The following CTIF variants were observed in gnomAD, a reference collection of about 807,000 sequenced individuals.
The protein encoded by CTIF is cap binding complex dependent translation initiation factor, also known as CBP80/20-dependent translation initiation factor.
Under a neutral mutation model 66.0 loss-of-function variants are expected in CTIF, and 21 were observed. The observed-to-expected ratio is 0.32, with a 90% CI of 0.23 to 0.46. CTIF has a LOEUF of 0.46. Among genes scored for constraint, CTIF ranks in the 20% least tolerant of loss-of-function variants. CTIF has a pLI of 1.00. For missense variants in CTIF, 739 were observed against 812.7 expected (o/e 0.91, Z 1.10); for synonymous variants, 345 against 326.4 (o/e 1.06, Z -0.62).
At chr18:48,615,723 CG>C (rs921024370) in intron 1 of CTIF, among the ~76,000 whole-genome samples, 1 of 152,154 alleles carries the variant, frequency 6.6e-6, no homozygotes, top group African/African-American at 2.4e-5. Flanking sequence ...TGCCAGGGGC[CG>C]GGGGCTTCCT....
intron 9 of CTIF, among the ~76,000 whole-genome samples, chr18:48,774,078 A>G (rs1263766533): frequency 1.3e-5 from 2 of 152,156 alleles, no homozygotes; most frequent in Non-Finnish European, 1.5e-5. Context: ...GGTCAGGAAC[A>G]CACAGAGTGC....
chr18:48,758,167 A>G lies in CTIF; in HGVS notation c.833A>G (p.Glu278Gly). 1 of 1,614,014 alleles carries G rather than the reference A, an allele frequency of 6.2e-7. No individual in the cohort carries two copies. The highest frequency in any genetic ancestry group is 1.1e-5 in the South Asian group (1 of 91,060). ...AATGCCAAAGAGACCATGACCATCG[A>G]GAACCCAAAACTGGAGGACACTGCA... Reference protein sequence around the residue: ...HRNAKETMTIENPKLEDTAGD... With the variant: ...HRNAKETMTIGNPKLEDTAGD... The change falls in exon 8 of 12, where the codon GAG becomes GGG. Residue 278 changes from glutamate (E) to glycine (G), a missense_variant. By Grantham distance (98) the Glu-to-Gly change is moderately conservative. This residue lies in a region of CTIF where 529 missense variants were observed against 520.3 expected (regional missense o/e 1.02). Coordinates refer to ENST00000256413, the MANE Select transcript of CTIF (RefSeq NM_014772.3).
At chr18:48,586,562 C>T (rs187502602) in intron 1 of CTIF, among the ~76,000 whole-genome samples, 140 of 152,148 alleles carry the variant, frequency 9.2e-4, no homozygotes, top group Middle Eastern at 3.4e-3. Flanking sequence ...TGAGCCACCA[C>T]GCCCGGCCTT....
At chr18:48,805,536 A>G (rs556264215) in intron 9 of CTIF, among the ~76,000 whole-genome samples, 2 of 152,242 alleles carry the variant, frequency 1.3e-5, no homozygotes, top group Admixed American at 1.3e-4. Flanking sequence ...ACCCCACCAC[A>G]CCACCAAAGG....
intron 7 of CTIF, among the ~76,000 whole-genome samples, chr18:48,742,316 G>A (rs535832740): frequency 6.6e-6 from 1 of 152,360 alleles, no homozygotes; most frequent in East Asian, 1.9e-4. Context: ...GAGCAGGGCA[G>A]GTTACAGCAC....
intron 10 of CTIF, among the ~76,000 whole-genome samples, chr18:48,851,089 G>T (rs777112549): frequency 6.6e-5 from 10 of 152,242 alleles, no homozygotes; most frequent in Non-Finnish European, 1.2e-4. Flanking sequence ...AGGTTGGAAG[G>T]GGGGGCTCTA....
At chr18:48,804,724 G>C (rs2068109243) in intron 9 of CTIF, among the ~76,000 whole-genome samples, 1 of 152,164 alleles carries the variant, frequency 6.6e-6, no homozygotes, top group African/African-American at 2.4e-5. Context: ...AGGTGGGTGT[G>C]TGAGAGGCAG....
Position 48,750,208 on chromosome 18 carries a change from G to A in CTIF, c.585-7711G>A, listed in dbSNP as rs188860391. ...GGAGGCCACCCTAAGAACCTGAGTC[G>A]GGGTTGGTCTCCCCATTCTGCAGGT... On this transcript the variant is annotated intron_variant, in intron 7 of 11. Coordinates refer to ENST00000256413, the MANE Select transcript of CTIF (RefSeq NM_014772.3). Among the ~76,000 whole-genome samples the A allele has an allele frequency of 5.3e-3, 802 of 152,328 alleles. 8 individuals are homozygous for A. The highest frequency in any genetic ancestry group is 0.018 in the African/African-American group (756 of 41,574).
chr18:48,651,378 A>C (rs944825595), intron 3 of CTIF, among the ~76,000 whole-genome samples: 5 of 152,222 alleles, frequency 3.3e-5, no homozygotes, highest in Non-Finnish European at 7.3e-5. Flanking sequence ...TAAACCAACA[A>C]AGATCAAAAG....
At chr18:48,782,359 A>G (rs1911312129) in intron 9 of CTIF, among the ~76,000 whole-genome samples, 1 of 152,000 alleles carries the variant, frequency 6.6e-6, no homozygotes, top group African/African-American at 2.4e-5. Flanking sequence ...TTGCAGAGGG[A>G]TGGGGGCAGC....
intron 3 of CTIF, among the ~76,000 whole-genome samples, chr18:48,652,161 C>CA (rs2091166727): frequency 1.3e-5 from 2 of 152,064 alleles, no homozygotes; most frequent in Non-Finnish European, 2.9e-5. Context: ...GATAGAGACG[C>CA]AAAAAACCCT....
chr18:48,706,384 A>AGG (rs2092154559), intron 6 of CTIF, among the ~76,000 whole-genome samples: 1 of 152,100 alleles, frequency 6.6e-6, no homozygotes, highest in East Asian at 1.9e-4. Flanking sequence ...CCTGTTGCCT[A>AGG]GGGGAGGTGT....
chr18:48,748,677 A>C (rs1907494319), intron 7 of CTIF, among the ~76,000 whole-genome samples: 1 of 152,218 alleles, frequency 6.6e-6, no homozygotes, highest in Non-Finnish European at 1.5e-5. Flanking sequence ...TATGAACCCA[A>C]GGGTGTCCAG....
At chr18:48,560,805 T>C (rs1442954079) in intron 1 of CTIF, among the ~76,000 whole-genome samples, 1 of 150,642 alleles carries the variant, frequency 6.6e-6, no homozygotes, top group Non-Finnish European at 1.5e-5. Flanking sequence ...TCTCCTAGGC[T>C]CCAGTGATCC....
At chr18:48,550,291 G>C (rs958395913) in intron 1 of CTIF, among the ~76,000 whole-genome samples, 2 of 152,236 alleles carry the variant, frequency 1.3e-5, no homozygotes, top group African/African-American at 2.4e-5. Context: ...GGAAAGGCCT[G>C]AGGGCCTGAG....
chr18:48,782,101 T>A (rs1911289859), intron 9 of CTIF, among the ~76,000 whole-genome samples: 1 of 151,714 alleles, frequency 6.6e-6, no homozygotes, highest in Non-Finnish European at 1.5e-5. Flanking sequence ...GAAGTTTCCA[T>A]GGAGGCAGGG....
chr18:48,582,256 C>A (rs909971560), intron 1 of CTIF, among the ~76,000 whole-genome samples: 5 of 151,708 alleles, frequency 3.3e-5, no homozygotes, highest in African/African-American at 1.2e-4. Context: ...CGGCAGGGGG[C>A]AGGAGGCATG....
At chr18:48,634,618 G>A (rs112724689) in intron 2 of CTIF, among the ~76,000 whole-genome samples, 3 of 152,230 alleles carry the variant, frequency 2.0e-5, no homozygotes, top group African/African-American at 7.2e-5. Flanking sequence ...AATGCTGCCT[G>A]AGGCATAGAG....
chr18:48,736,388 C>T (rs2092503302), intron 7 of CTIF, among the ~76,000 whole-genome samples: 1 of 152,194 alleles, frequency 6.6e-6, no homozygotes, highest in Non-Finnish European at 1.5e-5. Context: ...GGGTCCCCTT[C>T]TTCCTCCAGC....
Sources: allele counts gnomAD v4.1 joint callset (sites outside exome capture counted in the v4.1 genomes callset), GRCh38; gene constraint gnomAD v4.1.1; regional missense constraint gnomAD v4.1.1; transcripts MANE v1.5; gene names NCBI Gene and HGNC (gene_info 2026-07-23, HGNC 2026-07-21).